The following ABAT variants were observed in gnomAD, a reference collection of about 807,000 sequenced individuals.
The protein encoded by ABAT is 4-aminobutyrate aminotransferase.
Under a neutral mutation model 64.6 loss-of-function variants are expected in ABAT, and 45 were observed. The observed-to-expected ratio is 0.70, with a 90% CI of 0.55 to 0.89. The LOEUF is 0.89. Among genes scored for constraint, ABAT ranks in the 40% least tolerant of loss-of-function variants. The pLI is 0.00. For synonymous variants in ABAT, 297 were observed against 250.5 expected (o/e 1.19, Z -1.75); for missense variants, 633 against 658.4 (o/e 0.96, Z 0.42).
intron 11 of ABAT, among the ~76,000 whole-genome samples, chr16:8,769,278 G>A (rs1021570231): frequency 4.6e-5 from 7 of 152,144 alleles, no homozygotes; most frequent in Non-Finnish European, 1.0e-4. Flanking sequence ...TCAGTTGAAA[G>A]AATATGGGGC....
chr16:8,755,143 T>C (rs2059614517), intron 5 of ABAT, among the ~76,000 whole-genome samples: 1 of 152,162 alleles, frequency 6.6e-6, no homozygotes, highest in South Asian at 2.1e-4. Context: ...CGTTTTTGTT[T>C]TTTTTTAACT....
At chr16:8,686,639 G>A (rs1567270346) in intron 1 of ABAT, among the ~76,000 whole-genome samples, 1 of 152,114 alleles carries the variant, frequency 6.6e-6, no homozygotes, top group Non-Finnish European at 1.5e-5. Context: ...ACTCGCCCAG[G>A]GTCTCCTACT....
chr16:8,709,105 G>T (rs1016283545), intron 1 of ABAT, among the ~76,000 whole-genome samples: 1 of 152,032 alleles, frequency 6.6e-6, no homozygotes, highest in Non-Finnish European at 1.5e-5. Context: ...TCGCTAATTA[G>T]TTTTCATACT....
At chr16:8,675,006 A>G (rs928703066) in intron 1 of ABAT, among the ~76,000 whole-genome samples, 2 of 152,198 alleles carry the variant, frequency 1.3e-5, no homozygotes, top group African/African-American at 4.8e-5. Context: ...AGTGGTCTCC[A>G]GGTCTCTAGA....
At chr16:8,690,967 C>T (rs1245107450) in intron 1 of ABAT, among the ~76,000 whole-genome samples, 1 of 152,098 alleles carries the variant, frequency 6.6e-6, no homozygotes, top group African/African-American at 2.4e-5. Flanking sequence ...GGAGTTAACA[C>T]TGCTTCAGGG....
chr16:8,764,926 G>C lies in ABAT; in HGVS notation c.540+96G>C. On this transcript the variant is annotated intron_variant, in intron 8 of 15. Coordinates refer to ENST00000268251, the MANE Select transcript of ABAT (RefSeq NM_020686.6). The surrounding 1 kb of genome is among the most constrained non-coding windows in gnomAD (Gnocchi z 4.2). Reference sequence around the variant, plus strand: ...TCTGACTGTTCATTCCAATGGGCTGGAGTATTAGACATCAGTACCAGGGTT... The same window carrying C: ...TCTGACTGTTCATTCCAATGGGCTGCAGTATTAGACATCAGTACCAGGGTT... The C allele has an allele frequency of 8.7e-7, 1 of 1,155,522 alleles. No individual in the cohort carries two copies. Among genetic ancestry groups the C allele is most frequent in the Non-Finnish European group, 1.3e-6 (1 of 773,926 alleles). 71.6% of individuals were successfully genotyped at this position (1,155,522 alleles called of 1,614,324 possible).
intron 1 of ABAT, among the ~76,000 whole-genome samples, chr16:8,684,296 C>T (rs2057402290): frequency 1.3e-5 from 2 of 152,014 alleles, no homozygotes; most frequent in Admixed American, 1.3e-4. Context: ...GGATAGACAG[C>T]GTATGGTGGC....
chr16:8,760,993 C>T lies in ABAT; in HGVS notation c.367-3076C>T, dbSNP rs181379536. Among the ~76,000 whole-genome samples, 648 of 152,232 alleles carry T rather than the reference C, an allele frequency of 4.3e-3. 3 individuals are homozygous for T. Among genetic ancestry groups the T allele is most frequent in the African/African-American group, 0.015 (622 of 41,530 alleles). On this transcript the variant is annotated intron_variant, in intron 6 of 15. Transcript: ENST00000268251. The stretch of plus-strand genomic sequence containing the variant: ...ACTCAGGAGGCTGAGGTGGGAGGAT[C>T]GCTTGAGCCCAGGAAGTCATTGCAG...
At chr16:8,685,193 C>T (rs118047758) in intron 1 of ABAT, among the ~76,000 whole-genome samples, 2 of 151,400 alleles carry the variant, frequency 1.3e-5, no homozygotes, top group South Asian at 2.1e-4. Context: ...GGCTGAGGCA[C>T]AAGAATCACT....
intron 1 of ABAT, among the ~76,000 whole-genome samples, chr16:8,694,331 C>G (rs2057654659): frequency 6.7e-6 from 1 of 149,628 alleles, no homozygotes; most frequent in Non-Finnish European, 1.5e-5. Flanking sequence ...CCCACTCCAT[C>G]CATTTTATTC....
At chr16:8,773,302 TC>T (rs1256620130) in intron 12 of ABAT, among the ~76,000 whole-genome samples, 3 of 151,856 alleles carry the variant, frequency 2.0e-5, no homozygotes, top group African/African-American at 7.3e-5. Flanking sequence ...CAGGCACACG[TC>T]ACCATACCCA....
intron 1 of ABAT, among the ~76,000 whole-genome samples, chr16:8,723,809 T>TATATA (rs2058445970): frequency 4.5e-5 from 2 of 44,808 alleles, no homozygotes; most frequent in Non-Finnish European, 8.3e-5. Flanking sequence ...TCCAAGCTTT[T>TATATA]TATATATATA....
intron 10 of ABAT, 144 bp downstream of exon 10, chr16:8,768,400 C>T (rs1250954718): frequency 1.4e-5 from 13 of 941,078 alleles, no homozygotes; most frequent in Non-Finnish European, 2.2e-5. Context: ...ATTATTATTC[C>T]TGCTTTGCAG....
rs542361580 is a variant in ABAT, at chr16:8,779,309, T to C, written c.1270-170T>C. Among the ~76,000 whole-genome samples, 21 of 152,298 alleles carry C rather than the reference T, an allele frequency of 1.4e-4. No individual in the cohort carries two copies. The South Asian group carries it at 4.4e-3, about 32-fold the overall frequency. On this transcript the variant is annotated intron_variant, in intron 14 of 15. Coordinates refer to ENST00000268251, the MANE Select transcript of ABAT (RefSeq NM_020686.6). ...CAACACACATGTGCACAGCTGGGCT[T>C]TGAACCCAGGCCTGAATGTCCCCAG... is the stretch of plus-strand genomic sequence containing the variant.
At chr16:8,714,404 T>C (rs2058153507) in intron 1 of ABAT, among the ~76,000 whole-genome samples, 1 of 152,212 alleles carries the variant, frequency 6.6e-6, no homozygotes, top group African/African-American at 2.4e-5. Flanking sequence ...GAGTTTGCAG[T>C]GAGAATCTCA....
chr16:8,691,637 C>T (rs2057584586), intron 1 of ABAT, among the ~76,000 whole-genome samples: 1 of 152,184 alleles, frequency 6.6e-6, no homozygotes, highest in Non-Finnish European at 1.5e-5. Flanking sequence ...GAGGGGGTTT[C>T]GCCATGTTGG....
At chr16:8,763,934 C>T (rs2059867983) in intron 6 of ABAT, 135 bp from the exon 7 acceptor site, 24 of 761,894 alleles carry the variant, frequency 3.2e-5, no homozygotes, top group Non-Finnish European at 5.1e-5. Flanking sequence ...CCATGCCCCA[C>T]GCTGACAGAA....
At chr16:8,697,786 C>T (rs937331676) in intron 1 of ABAT, among the ~76,000 whole-genome samples, 3 of 152,034 alleles carry the variant, frequency 2.0e-5, no homozygotes, top group Non-Finnish European at 4.4e-5. Flanking sequence ...CAGGTACAAG[C>T]GACCACGCCC....
chr16:8,746,139 A>G (rs970329983), intron 3 of ABAT, 41 bp downstream of exon 3: 1 of 1,482,634 alleles, frequency 6.7e-7, no homozygotes, highest in South Asian at 1.1e-5. Context: ...TGGAAAAGGG[A>G]AAAAGGCGCC....
Sources: allele counts gnomAD v4.1 joint callset (sites outside exome capture counted in the v4.1 genomes callset), GRCh38; gene constraint gnomAD v4.1.1; non-coding constraint Gnocchi (gnomAD v3.1); transcripts MANE v1.5; gene names NCBI Gene and HGNC (gene_info 2026-07-23, HGNC 2026-07-21).